Variants in RAB3IP observed in about 807,000 individuals in gnomAD.
The protein encoded by RAB3IP is rab-3A-interacting protein.
A neutral mutation model predicts 59.1 loss-of-function variants in RAB3IP; 36 were observed. The observed-to-expected ratio is 0.61, with a 90% CI of 0.47 to 0.80. The LOEUF is 0.80. Among genes scored for constraint, RAB3IP ranks in the 30% least tolerant of loss-of-function variants. The probability of loss-of-function intolerance (pLI) is 0.00; values close to 1 mark genes in which losing one functional copy is unlikely to be tolerated. For missense variants in RAB3IP, 511 were observed against 536.0 expected (o/e 0.95, Z 0.46); for synonymous variants, 207 against 191.2 (o/e 1.08, Z -0.68).
intron 4 of RAB3IP, among the ~76,000 whole-genome samples, chr12:69,787,785 T>A (rs1875933394): frequency 7.0e-6 from 1 of 143,014 alleles, no homozygotes; most frequent in Non-Finnish European, 1.6e-5. Flanking sequence ...GCATGTTACC[T>A]CCATTATGAT....
chr12:69,748,544 G>T (rs1340790090), intron 1 of RAB3IP, among the ~76,000 whole-genome samples: 1 of 152,186 alleles, frequency 6.6e-6, no homozygotes, highest in Non-Finnish European at 1.5e-5. Context: ...GGGATCAGAA[G>T]CAAATTGTTT....
chr12:69,795,406 G>A (rs762769104), intron 6 of RAB3IP, 62 bp downstream of exon 6: 5 of 1,375,366 alleles, frequency 3.6e-6, no homozygotes, highest in Non-Finnish European at 5.1e-6. Context: ...CATCACTGAG[G>A]TGTCAGTTAT....
At chr12:69,748,392 C>T (rs915568737) in intron 1 of RAB3IP, among the ~76,000 whole-genome samples, 22 of 152,246 alleles carry the variant, frequency 1.4e-4, no homozygotes, top group African/African-American at 4.6e-4. Flanking sequence ...TCTTTCTAGG[C>T]ATTTATTAAA....
intron 8 of RAB3IP, among the ~76,000 whole-genome samples, chr12:69,802,337 C>T (rs1361312818): frequency 6.6e-6 from 1 of 152,028 alleles, no homozygotes; most frequent in Non-Finnish European, 1.5e-5. Flanking sequence ...AAAGGATTCT[C>T]ACTTAAATAA....
chr12:69,740,355 A>C (rs1325459649), intron 1 of RAB3IP, among the ~76,000 whole-genome samples: 1 of 152,252 alleles, frequency 6.6e-6, no homozygotes, highest in Admixed American at 6.5e-5. Flanking sequence ...TTGGACAGAC[A>C]GTGTATTCCA....
intron 3 of RAB3IP, among the ~76,000 whole-genome samples, chr12:69,761,002 C>G (rs1317332726): frequency 6.6e-6 from 1 of 152,176 alleles, no homozygotes; most frequent in Non-Finnish European, 1.5e-5. Context: ...CTTCCTCTCT[C>G]TCTCCTTTCC....
chr12:69,742,310 C>G (rs572073571), intron 1 of RAB3IP, among the ~76,000 whole-genome samples: 1 of 152,112 alleles, frequency 6.6e-6, no homozygotes, highest in Non-Finnish European at 1.5e-5. Flanking sequence ...TTGGTTACTA[C>G]GCATTTGATA....
At chr12:69,806,850 A>T (rs1404115466) in intron 8 of RAB3IP, among the ~76,000 whole-genome samples, 1 of 151,756 alleles carries the variant, frequency 6.6e-6, no homozygotes, top group Non-Finnish European at 1.5e-5. Context: ...AATCCATTTA[A>T]CCCTGAGTTG....
chr12:69,793,989 C>T (rs1301196096), intron 4 of RAB3IP, among the ~76,000 whole-genome samples: 1 of 152,152 alleles, frequency 6.6e-6, no homozygotes, highest in African/African-American at 2.4e-5. Flanking sequence ...ATTGAAAGCT[C>T]TAAGGCTTCT....
chr12:69,762,787 GA>G (rs1321561263), intron 3 of RAB3IP, among the ~76,000 whole-genome samples: 99 of 139,048 alleles, frequency 7.1e-4, no homozygotes, highest in South Asian at 4.1e-3. Flanking sequence ...AAAGAAAAAA[GA>G]GAAAAAGAGA....
chr12:69,819,872 CTT>C lies in RAB3IP; in HGVS notation c.*4427_*4428del, dbSNP rs989410815. 2.6e-5 allele frequency: 4 copies of C among 152,222 alleles called. No individual in the cohort carries two copies. Among genetic ancestry groups the C allele is most frequent in the African/African-American group, 9.6e-5 (4 of 41,452 alleles). 9.4% of individuals were successfully genotyped at this position (152,222 alleles called of 1,614,324 possible). ...GTTAGTTAGGTGGCCACTCCTCTCT[CTT>C]CATGGTCTCTCTCAGCTTGAAGACA... On this transcript the variant is annotated 3_prime_UTR_variant, in exon 11 of 11. Coordinates refer to ENST00000247833, the MANE Select transcript of RAB3IP (RefSeq NM_022456.5).
At chr12:69,813,151 A>G in intron 10 of RAB3IP, 118 bp downstream of exon 10, 1 of 689,770 alleles carries the variant, frequency 1.4e-6, no homozygotes, top group Non-Finnish European at 2.5e-6. Flanking sequence ...TTGTTGGTAC[A>G]TTTATATTGA....
intron 1 of RAB3IP, among the ~76,000 whole-genome samples, chr12:69,745,112 A>G (rs1165190702): frequency 6.6e-6 from 1 of 152,200 alleles, no homozygotes; most frequent in Non-Finnish European, 1.5e-5. Flanking sequence ...CCCAGTAACT[A>G]TCAACAGTGA....
At chr12:69,813,281 G>A (rs546736758) in intron 10 of RAB3IP, among the ~76,000 whole-genome samples, 1 of 152,116 alleles carries the variant, frequency 6.6e-6, no homozygotes, top group Non-Finnish European at 1.5e-5. Flanking sequence ...ATTTTAAGCA[G>A]GGTCAGTTTT....
chr12:69,779,787 A>T (rs965784169), intron 3 of RAB3IP, among the ~76,000 whole-genome samples: 42 of 151,388 alleles, frequency 2.8e-4, no homozygotes, highest in African/African-American at 9.2e-4. Flanking sequence ...TAACACAGCT[A>T]GTTTGATTTT....
chr12:69,749,622 G>A (rs753959954), intron 1 of RAB3IP, among the ~76,000 whole-genome samples: 1 of 152,184 alleles, frequency 6.6e-6, no homozygotes, highest in Non-Finnish European at 1.5e-5. Flanking sequence ...ACTGCGTTTT[G>A]TATAAATGCT....
intron 3 of RAB3IP, among the ~76,000 whole-genome samples, chr12:69,782,279 C>T (rs1027087208): frequency 2.0e-5 from 3 of 152,208 alleles, no homozygotes; most frequent in African/African-American, 7.2e-5. Context: ...ATTCTCCTGC[C>T]TCAGGCTTCT....
intron 3 of RAB3IP, among the ~76,000 whole-genome samples, chr12:69,759,803 C>T (rs1592477200): frequency 6.6e-6 from 1 of 151,390 alleles, no homozygotes; most frequent in South Asian, 2.1e-4. Context: ...TGACCTCCCA[C>T]CTCCCTCCCG....
chr12:69,760,463 C>T (rs2136142841), intron 3 of RAB3IP, among the ~76,000 whole-genome samples: 1 of 152,314 alleles, frequency 6.6e-6, no homozygotes, highest in East Asian at 1.9e-4. Flanking sequence ...TCCTCTTGCT[C>T]AGGATCCGTT....
Sources: gnomAD v4.1 joint callset for allele counts (sites outside exome capture counted in the v4.1 genomes callset) on GRCh38, gnomAD v4.1.1 for gene constraint, MANE v1.5 for transcripts, NCBI Gene and HGNC (gene_info 2026-07-23, HGNC 2026-07-21) for gene names.